LRIG1: variants seen among roughly 807,000 people sequenced by gnomAD.
LRIG1 encodes leucine-rich repeats and immunoglobulin-like domains protein 1.
LRIG1 carries 48 observed loss-of-function variants against 99.2 expected under a neutral mutation model. The observed-to-expected ratio is 0.48, with a 90% CI of 0.38 to 0.62. LRIG1 has a LOEUF of 0.62. Among genes scored for constraint, LRIG1 ranks in the 20% least tolerant of loss-of-function variants. LRIG1 has a pLI of 0.00. For synonymous variants in LRIG1, 772 were observed against 596.1 expected, an observed-to-expected ratio of 1.29 and a Z score of -4.30; for missense variants, 1,646 against 1,434.4, an observed-to-expected ratio of 1.15 and a Z score of -2.38.
chr3:66,475,624 T>C (rs912890505), intron 1 of LRIG1, among the ~76,000 whole-genome samples: 1 of 152,360 alleles, frequency 6.6e-6, no homozygotes, highest in Middle Eastern at 3.4e-3. Context: ...CGTTTACTTG[T>C]GGCAAAGTGA....
chr3:66,476,618 G>A (rs1490516191), intron 1 of LRIG1, among the ~76,000 whole-genome samples: 6 of 152,184 alleles, frequency 3.9e-5, no homozygotes, highest in African/African-American at 1.2e-4. Context: ...CTTCCTGCGA[G>A]ACACACTGCT....
chr3:66,435,125 CACAT>C (rs1398679863), intron 3 of LRIG1, among the ~76,000 whole-genome samples: 2 of 152,138 alleles, frequency 1.3e-5, no homozygotes, highest in African/African-American at 2.4e-5. Flanking sequence ...AATGGAACGA[CACAT>C]ACAATAACCT....
At position 66,384,104 on chromosome 3, in the gene LRIG1, T is replaced by C; in HGVS notation, c.1958A>G (p.Asp653Gly). 3 of 1,614,186 alleles carry C rather than the reference T, an allele frequency of 1.9e-6. No individual in the cohort carries two copies. The highest frequency in any genetic ancestry group is 1.7e-6 in the Non-Finnish European group (2 of 1,180,036). Residue 653 changes from aspartate to glycine, a missense_variant, in exon 14 of 19, where the codon GAT becomes GGT. By Grantham distance (94) the Asp-to-Gly change is moderately conservative. Coordinates refer to ENST00000273261, the MANE Select transcript of LRIG1 (RefSeq NM_015541.3). ...ARERRMHVMP[D>G]DDVFFITDVK... is the part of the protein sequence containing the mutation. ...ATCAGTGATGAAAAACACGTCGTCATCCGGCATGACATGCATGCGTCGCTC... is the reference window on the plus strand; with the variant it reads ...ATCAGTGATGAAAAACACGTCGTCACCCGGCATGACATGCATGCGTCGCTC...
chr3:66,380,271 T>C lies in LRIG1; in HGVS notation c.3274A>G (p.Lys1092Glu), dbSNP rs199537042. 279 of 1,610,606 alleles carry C rather than the reference T, an allele frequency of 1.7e-4. No individual in the cohort carries two copies. The highest frequency in any genetic ancestry group is 2.1e-4 in the Non-Finnish European group (253 of 1,177,724). ...ACTGAGGTAGACAAAACCTAGCTTT[T>C]TGGTGCCAACAGCAGTGGCACCCTC... ...KQRVPLLLAP[K>E]S The change falls in exon 19 of 19, where the codon AAA (lysine) becomes GAA (glutamate). Residue 1092 changes from lysine (K) to glutamate (E), a missense_variant. Transcript: ENST00000273261.
intron 1 of LRIG1, among the ~76,000 whole-genome samples, chr3:66,468,413 T>C (rs145202278): frequency 2.0e-5 from 3 of 152,308 alleles, no homozygotes; most frequent in African/African-American, 4.8e-5. Context: ...TGGTCCTAAA[T>C]CCGTGACAAG....
At chr3:66,497,182 T>C (rs2106941267) in intron 1 of LRIG1, among the ~76,000 whole-genome samples, 1 of 152,364 alleles carries the variant, frequency 6.6e-6, no homozygotes, top group East Asian at 1.9e-4. Context: ...GTTCTTCCTC[T>C]AGGCCTGCCT....
intron 1 of LRIG1, among the ~76,000 whole-genome samples, chr3:66,495,890 T>A (rs1575737747): frequency 6.6e-6 from 1 of 152,168 alleles, no homozygotes; most frequent in Non-Finnish European, 1.5e-5. Context: ...CCTTTCATTG[T>A]GATCATGGTG....
chr3:66,383,919 C>T (rs1272569720), intron 14 of LRIG1, 72 bp downstream of exon 14: 2 of 1,554,072 alleles, frequency 1.3e-6, no homozygotes, highest in Admixed American at 1.8e-5. Flanking sequence ...CCTGGCCACA[C>T]AGAGCATTTG....
At chr3:66,468,486 A>G (rs1700525507) in intron 1 of LRIG1, among the ~76,000 whole-genome samples, 2 of 152,082 alleles carry the variant, frequency 1.3e-5, no homozygotes, top group African/African-American at 4.8e-5. Flanking sequence ...ATTTCCCATT[A>G]CTCAATTCTG....
At chr3:66,481,042 TGTTGAA>T (rs1458435374) in intron 1 of LRIG1, among the ~76,000 whole-genome samples, 1 of 152,140 alleles carries the variant, frequency 6.6e-6, no homozygotes, top group East Asian at 1.9e-4. Context: ...GATTAAAATT[TGTTGAA>T]GTTGATTGAA....
At chr3:66,459,710 T>G (rs912690130) in intron 2 of LRIG1, among the ~76,000 whole-genome samples, 1 of 152,186 alleles carries the variant, frequency 6.6e-6, no homozygotes, top group Non-Finnish European at 1.5e-5. Flanking sequence ...GAGAGGTTTG[T>G]CTGCAGGGCT....
chr3:66,463,337 G>A lies in LRIG1; in HGVS notation c.219-828C>T, dbSNP rs557997160. On this transcript the variant is annotated intron_variant, in intron 1 of 18. Coordinates refer to ENST00000273261, the MANE Select transcript of LRIG1 (RefSeq NM_015541.3). The stretch of plus-strand genomic sequence containing the variant: ...AACCGGGAGGGACAGTCACACAGGA[G>A]AAAAGGGCCAGTTGCTGGAAATTCT... Among the ~76,000 whole-genome samples, 5 of 152,354 alleles carry A rather than the reference G, an allele frequency of 3.3e-5. No individual in the cohort carries two copies. In the South Asian group the frequency reaches 1.0e-3, roughly 32 times the overall value.
intron 3 of LRIG1, among the ~76,000 whole-genome samples, chr3:66,430,528 C>G (rs1026963377): frequency 1.3e-5 from 2 of 152,204 alleles, no homozygotes; most frequent in Admixed American, 1.3e-4. Context: ...CCACACGCCT[C>G]CCCTGGGAGT....
At chr3:66,474,464 G>A (rs1396786207) in intron 1 of LRIG1, among the ~76,000 whole-genome samples, 2 of 151,640 alleles carry the variant, frequency 1.3e-5, no homozygotes, top group African/African-American at 4.8e-5. Context: ...TCCTATCTCA[G>A]CCTCCTGAAT....
intron 3 of LRIG1, among the ~76,000 whole-genome samples, chr3:66,449,437 C>CT (rs1703830112): frequency 2.0e-5 from 3 of 152,278 alleles, no homozygotes; most frequent in South Asian, 4.2e-4. Context: ...GAGTAACTCT[C>CT]TTTTTTTTCT....
chr3:66,439,622 T>C (rs1296138704), intron 3 of LRIG1, among the ~76,000 whole-genome samples: 1 of 152,268 alleles, frequency 6.6e-6, no homozygotes, highest in East Asian at 1.9e-4. Flanking sequence ...AAAAGGTGTT[T>C]AAGGAGCTTA....
In LRIG1 at chr3:66,386,045, G is replaced by A. The variant is rs962120021; in HGVS notation, c.1725C>T (p.Tyr575=). The part of the protein sequence containing the change: ...RQVTFGHEGR[Y]QCVITNHFGS... ...CAAAGTGGTTGGTGATGACACATTG[G>A]TAGCGGCCCTCGTGCCCGAAAGTGA... Residue 575 remains tyrosine, a synonymous_variant, in exon 13 of 19, where the codon TAC becomes TAT. Transcript: ENST00000273261. 3 of 1,614,094 alleles carry A rather than the reference G, an allele frequency of 1.9e-6. No individual in the cohort carries two copies. Among genetic ancestry groups the A allele is most frequent in the African/African-American group, 1.3e-5 (1 of 74,918 alleles).
At chr3:66,406,273 T>C in intron 8 of LRIG1, 1 of 985,454 alleles carries the variant, frequency 1.0e-6, no homozygotes, top group Non-Finnish European at 1.2e-6. Flanking sequence ...ATCATCTGCA[T>C]ACTGAAAAAA....
At chr3:66,468,645 C>G (rs1441918967) in intron 1 of LRIG1, among the ~76,000 whole-genome samples, 1 of 152,148 alleles carries the variant, frequency 6.6e-6, no homozygotes, top group African/African-American at 2.4e-5. Context: ...GCCTGGGAGC[C>G]GTGGGCTCTG....
Sources: allele counts gnomAD v4.1 joint callset (sites outside exome capture counted in the v4.1 genomes callset), GRCh38; gene constraint gnomAD v4.1.1; transcripts MANE v1.5; gene names NCBI Gene and HGNC (gene_info 2026-07-23, HGNC 2026-07-21).